The following SPPL3 variants were observed in gnomAD, a reference collection of about 807,000 sequenced individuals.
SPPL3 encodes signal peptide peptidase-like 3.
Under a neutral mutation model 42.4 loss-of-function variants are expected in SPPL3, and 5 were observed. The observed-to-expected ratio is 0.12, with a 90% CI of 0.06 to 0.25. SPPL3 has a LOEUF of 0.25. Among genes scored for constraint, SPPL3 ranks in the 10% least tolerant of loss-of-function variants. The pLI is 1.00. For synonymous variants in SPPL3, 195 were observed against 181.8 expected (o/e 1.07, Z -0.58); for missense variants, 235 against 489.0 (o/e 0.48, Z 4.90).
intron 1 of SPPL3, among the ~76,000 whole-genome samples, chr12:120,876,217 AT>A (rs1873081638): frequency 6.6e-6 from 1 of 152,208 alleles, no homozygotes. Flanking sequence ...TACAAAGCAT[AT>A]TCTCTAACTA....
chr12:120,865,578 AAATATT>A lies in SPPL3; in HGVS notation c.23+38261_23+38266del, dbSNP rs1287705434. ...GCTCACAACCTGTTACCAATATTCT[AAATATT>A]ACTGTATTTATTAGTATATATTATA... On this transcript the variant is annotated intron_variant, in intron 1 of 10. Transcript: ENST00000353487. 2.6e-5 allele frequency among the ~76,000 whole-genome samples: 4 copies of A among 152,218 alleles called. No individual in the cohort carries two copies. In the East Asian group the frequency reaches 7.7e-4, roughly 29 times the overall value.
intron 1 of SPPL3, among the ~76,000 whole-genome samples, chr12:120,890,512 C>T (rs961153380): frequency 2.7e-5 from 4 of 149,878 alleles, no homozygotes; most frequent in Non-Finnish European, 1.5e-5. Context: ...TCGCTTGAAT[C>T]TGGAAGGCGG....
intron 1 of SPPL3, among the ~76,000 whole-genome samples, chr12:120,822,068 A>T (rs1469561559): frequency 1.3e-5 from 2 of 152,226 alleles, no homozygotes; most frequent in African/African-American, 2.4e-5. Context: ...AAAAGAAAGC[A>T]GAATAGCGGA....
chr12:120,849,168 AC>A (rs144388317), intron 1 of SPPL3, among the ~76,000 whole-genome samples: 6,338 of 152,190 alleles, frequency 0.042, 184 homozygotes, highest in South Asian at 0.12. Flanking sequence ...TCCCTCTAAA[AC>A]CAGAGGAAGA....
chr12:120,856,828 G>C (rs1297977579), intron 1 of SPPL3, among the ~76,000 whole-genome samples: 1 of 152,130 alleles, frequency 6.6e-6, no homozygotes, highest in Non-Finnish European at 1.5e-5. Context: ...CAGGGTATTT[G>C]ATGAATCTGA....
chr12:120,861,836 C>A (rs142781885), intron 1 of SPPL3, among the ~76,000 whole-genome samples: 2 of 152,116 alleles, frequency 1.3e-5, no homozygotes, highest in Non-Finnish European at 2.9e-5. Flanking sequence ...AAGGAGAGAA[C>A]AGAAGGGCTG....
chr12:120,886,066 C>G (rs1873450216), intron 1 of SPPL3, among the ~76,000 whole-genome samples: 1 of 151,684 alleles, frequency 6.6e-6, no homozygotes, highest in East Asian at 1.9e-4. Context: ...TGGTCTCGAA[C>G]TCATGACCTC....
chr12:120,863,952 C>T (rs1872686354), intron 1 of SPPL3, among the ~76,000 whole-genome samples: 1 of 151,882 alleles, frequency 6.6e-6, no homozygotes, highest in Admixed American at 6.6e-5. Context: ...TGCTGAGATC[C>T]CGGGCATGAG....
chr12:120,791,525 T>C lies in SPPL3; in HGVS notation c.134A>G (p.Lys45Arg), dbSNP rs775228015. 6.2e-7 allele frequency: 1 copy of C among 1,605,974 alleles called. No homozygotes were observed. The highest frequency in any genetic ancestry group is 1.7e-5 in the Admixed American group (1 of 58,112). ...SLNMDFENQD[K>R]EKDSNSSSGS... The stretch of plus-strand genomic sequence containing the variant: ...AGAAGAACTATTACTGTCTTTCTCC[T>C]TATCTTGATTTTCAAAGTCCATATT... Residue 45 changes from lysine (K) to arginine (R), a missense_variant, in exon 3 of 11, where the codon AAG (lysine) becomes AGG (arginine). This residue lies in a region of SPPL3 where 110 missense variants were observed against 186.2 expected (regional missense o/e 0.59). Transcript: ENST00000353487.
intron 1 of SPPL3, among the ~76,000 whole-genome samples, chr12:120,874,284 C>T (rs1402641645): frequency 6.6e-6 from 1 of 151,868 alleles, no homozygotes; most frequent in Non-Finnish European, 1.5e-5. Flanking sequence ...GAAACCCCAT[C>T]TCTACTAAAA....
At position 120,904,128 on chromosome 12, in the gene SPPL3, T is replaced by TGGA; in HGVS notation, c.-262_-261insTCC. The TGGA allele has an allele frequency of 3.3e-6, 1 of 302,350 alleles. No homozygotes were observed. 18.7% of individuals were successfully genotyped at this position (302,350 alleles called of 1,614,324 possible). On this transcript the variant is annotated 5_prime_UTR_variant, in exon 1 of 11. Transcript: ENST00000353487. ...CCCGCGGCGGCGGCGGCGGCTCCGC[T>TGGA]GCAGCTCCAAACCCAACATGGCGGC...
chr12:120,878,081 G>A (rs1030335793), intron 1 of SPPL3, among the ~76,000 whole-genome samples: 1 of 151,542 alleles, frequency 6.6e-6, no homozygotes, highest in African/African-American at 2.4e-5. Context: ...AAATAAGAAA[G>A]GAATTGTAAA....
At chr12:120,822,284 C>G (rs1053976535) in intron 1 of SPPL3, among the ~76,000 whole-genome samples, 1 of 152,138 alleles carries the variant, frequency 6.6e-6, no homozygotes, top group Non-Finnish European at 1.5e-5. Context: ...TTTACAATAA[C>G]AACTTTTATA....
intron 1 of SPPL3, among the ~76,000 whole-genome samples, chr12:120,833,960 G>A (rs1441584377): frequency 6.6e-6 from 1 of 152,094 alleles, no homozygotes; most frequent in East Asian, 1.9e-4. Flanking sequence ...GCACAGTACT[G>A]ACCTTTGAGA....
intron 1 of SPPL3, among the ~76,000 whole-genome samples, chr12:120,841,881 G>C (rs532490981): frequency 1.3e-5 from 2 of 152,244 alleles, no homozygotes; most frequent in South Asian, 4.1e-4. Flanking sequence ...ATATAACATA[G>C]CTTTCTGCTT....
intron 1 of SPPL3, among the ~76,000 whole-genome samples, chr12:120,850,380 AG>A (rs1872180823): frequency 6.6e-6 from 1 of 151,880 alleles, no homozygotes; most frequent in African/African-American, 2.4e-5. Context: ...CCGCATTGTA[AG>A]GAAGTCTAAA....
chr12:120,897,064 AAC>A (rs1247628261), intron 1 of SPPL3, among the ~76,000 whole-genome samples: 1 of 152,220 alleles, frequency 6.6e-6, no homozygotes, highest in African/African-American at 2.4e-5. Flanking sequence ...GGTTTGATAA[AAC>A]AGATATGAAT....
rs138213721 is a variant in SPPL3 at position 120,800,804 on chromosome 12, C to T, written c.102-9247G>A. The stretch of plus-strand genomic sequence containing the variant: ...CTGGGCAGGAAGAAACAGTCTCTGA[C>T]TCAGCAGCTGAGAACATCCAGGGGG... On this transcript the variant is annotated intron_variant, in intron 2 of 10. Coordinates refer to ENST00000353487, the MANE Select transcript of SPPL3 (RefSeq NM_139015.5). 5.3e-5 allele frequency among the ~76,000 whole-genome samples: 8 copies of T among 152,258 alleles called. No individual in the cohort carries two copies. The East Asian group carries it at 1.5e-3, about 29-fold the overall frequency.
chr12:120,876,478 G>A (rs1000519904), intron 1 of SPPL3, among the ~76,000 whole-genome samples: 12 of 151,560 alleles, frequency 7.9e-5, no homozygotes, highest in South Asian at 2.1e-4. Context: ...TTAGCTGGGC[G>A]TGGTGGCGGG....
Sources: gnomAD v4.1 joint callset for allele counts (sites outside exome capture counted in the v4.1 genomes callset) on GRCh38, gnomAD v4.1.1 for gene constraint, gnomAD v4.1.1 regional missense constraint, MANE v1.5 for transcripts, NCBI Gene and HGNC (gene_info 2026-07-23, HGNC 2026-07-21) for gene names.